MMP26: variants seen among roughly 807,000 people sequenced by gnomAD.
The protein encoded by MMP26 is matrix metallopeptidase 26, also known as matrix metalloproteinase-26.
MMP26 carries 33 observed loss-of-function variants against 31.0 expected under a neutral mutation model. That is an observed-to-expected ratio of 1.06 (90% CI 0.81 to 1.42). MMP26 has a LOEUF of 1.42. Ranked by LOEUF, MMP26 falls within the 40% of genes most tolerant of loss-of-function variation. The probability of loss-of-function intolerance (pLI) is 0.00; values close to 1 mark genes in which losing one functional copy is unlikely to be tolerated. For synonymous variants in MMP26, 122 were observed against 114.9 expected (o/e 1.06, Z -0.40); for missense variants, 347 against 316.1 (o/e 1.10, Z -0.74).
intron 1 of MMP26, chr11:4,723,967 T>A: frequency 2.6e-6 from 2 of 757,640 alleles, no homozygotes; most frequent in African/African-American, 1.7e-5. Flanking sequence ...CAGGTTCTGG[T>A]TGACTGTGTC....
intron 2 of MMP26, among the ~76,000 whole-genome samples, chr11:4,865,143 A>G (rs768007593): frequency 6.6e-6 from 1 of 152,076 alleles, no homozygotes; most frequent in South Asian, 2.1e-4. Flanking sequence ...CATTTTGACT[A>G]TTCTCATTTT....
chr11:4,915,509 A>C, intron 2 of MMP26: 1 of 1,614,140 alleles, frequency 6.2e-7, no homozygotes, highest in South Asian at 1.1e-5. Flanking sequence ...TTTAATGATA[A>C]AAAGAATTGT....
At chr11:4,791,794 T>C (rs1023136400) in intron 2 of MMP26, among the ~76,000 whole-genome samples, 1 of 152,082 alleles carries the variant, frequency 6.6e-6, no homozygotes, top group Admixed American at 6.6e-5. Context: ...GTGTCCAGTG[T>C]TGGGTTCCAG....
chr11:4,734,517 C>A (rs1848211705), intron 1 of MMP26, among the ~76,000 whole-genome samples: 1 of 152,072 alleles, frequency 6.6e-6, no homozygotes, highest in Non-Finnish European at 1.5e-5. Flanking sequence ...AAGGCATTTA[C>A]AGCTGTACAT....
chr11:4,929,518 T>G (rs1236224444), intron 2 of MMP26, among the ~76,000 whole-genome samples: 1 of 152,206 alleles, frequency 6.6e-6, no homozygotes, highest in Admixed American at 6.6e-5. Context: ...AAAGTGCTTA[T>G]GCACAGCTGC....
chr11:4,947,413 C>T lies in MMP26; in HGVS notation c.-144-40655C>T, dbSNP rs143983150. The T allele has an allele frequency of 3.7e-3, 807 of 220,186 alleles. 160 individuals carry two copies. Among genetic ancestry groups the T allele is most frequent in the Middle Eastern group, 0.012 (9 of 758 alleles). The allele number at this position is 220,186 out of a possible 1,614,324, so 13.6% of individuals were successfully genotyped here. A position where few individuals can be genotyped will look rare whatever the true frequency, so the allele number is the denominator to read the frequency against. ...TTTTTTCCTGTAAAATATTAGTAAA[C>T]GCTGGTCAATTAACTGGAATCTTCT... On this transcript the variant is annotated intron_variant, in intron 2 of 7. Transcript: ENST00000380390.
intron 2 of MMP26, among the ~76,000 whole-genome samples, chr11:4,924,528 T>C (rs1436035470): frequency 6.6e-6 from 1 of 152,140 alleles, no homozygotes; most frequent in African/African-American, 2.4e-5. Context: ...AAGGAGACTT[T>C]TGATGGATGA....
intron 1 of MMP26, among the ~76,000 whole-genome samples, chr11:4,730,053 A>G (rs977432811): frequency 1.3e-5 from 2 of 151,848 alleles, no homozygotes; most frequent in Non-Finnish European, 2.9e-5. Context: ...AGCCCGCTAA[A>G]CTAATACACA....
At chr11:4,849,931 A>G (rs1849950854) in intron 2 of MMP26, among the ~76,000 whole-genome samples, 1 of 152,166 alleles carries the variant, frequency 6.6e-6, no homozygotes, top group Non-Finnish European at 1.5e-5. Context: ...GTGAAATGAT[A>G]AAGTCAGGGT....
At chr11:4,891,763 G>A (rs1850626498) in intron 2 of MMP26, among the ~76,000 whole-genome samples, 1 of 152,118 alleles carries the variant, frequency 6.6e-6, no homozygotes, top group Admixed American at 6.5e-5. Context: ...AGAGATTCTT[G>A]GATTTTCTCT....
chr11:4,877,883 A>G (rs1196649942), intron 2 of MMP26: 4 of 152,300 alleles, frequency 2.6e-5, no homozygotes, highest in Non-Finnish European at 5.9e-5. Context: ...AAATTTTCAA[A>G]CATTTATGTA....
chr11:4,967,520 G>A (rs780326545), intron 2 of MMP26, among the ~76,000 whole-genome samples: 1 of 152,094 alleles, frequency 6.6e-6, no homozygotes, highest in Non-Finnish European at 1.5e-5. Flanking sequence ...TCTTCTTGAG[G>A]TCCCCAAGAT....
chr11:4,946,483 G>A (rs1846307624), intron 2 of MMP26: 1 of 1,610,586 alleles, frequency 6.2e-7, no homozygotes, highest in Non-Finnish European at 8.5e-7. Flanking sequence ...CCATAAGGCA[G>A]AGTGCTCCAA....
intron 1 of MMP26, among the ~76,000 whole-genome samples, chr11:4,748,760 C>A (rs75632537): frequency 0.065 from 9,922 of 151,640 alleles, 398 homozygotes; most frequent in Non-Finnish European, 0.096. Context: ...GTGAAAAAAA[C>A]CCTCAAGAAA....
intron 1 of MMP26, among the ~76,000 whole-genome samples, chr11:4,742,522 G>A (rs1278546375): frequency 6.6e-6 from 1 of 152,062 alleles, no homozygotes; most frequent in East Asian, 1.9e-4. Context: ...ATTATTTCTG[G>A]GTATGTCTGG....
At chr11:4,943,621 C>T in intron 2 of MMP26, 2 of 373,708 alleles carry the variant, frequency 5.4e-6, no homozygotes, top group Admixed American at 3.3e-5. Context: ...ACCCACACCC[C>T]CAGGTTGCAA....
In MMP26 at chr11:4,774,762, T is replaced by G. The variant is rs189970195; in HGVS notation, c.-145+7421T>G. The stretch of plus-strand genomic sequence containing the variant: ...CTTCTAGGGTTTTTATAGTTTTGGG[T>G]TTTACATTTAAGTCTTTAATCCATC... On this transcript the variant is annotated intron_variant, in intron 2 of 7. Coordinates refer to ENST00000380390, the MANE Select transcript of MMP26 (RefSeq NM_021801.5). Among the ~76,000 whole-genome samples the G allele has an allele frequency of 1.3e-3, 203 of 152,328 alleles. 2 individuals are homozygous for G. The highest frequency in any genetic ancestry group is 4.6e-3 in the African/African-American group (191 of 41,576).
intron 2 of MMP26, among the ~76,000 whole-genome samples, chr11:4,975,599 A>G (rs1846726275): frequency 6.6e-6 from 1 of 152,074 alleles, no homozygotes; most frequent in Non-Finnish European, 1.5e-5. Flanking sequence ...TGTTAAGGTA[A>G]GTGAATCGTT....
chr11:4,929,468 A>G (rs977258635), intron 2 of MMP26, among the ~76,000 whole-genome samples: 8 of 146,686 alleles, frequency 5.5e-5, no homozygotes, highest in African/African-American at 2.1e-4. Flanking sequence ...ATTAGCATCA[A>G]TGTCAAAAGT....
Sources: allele counts gnomAD v4.1 joint callset (sites outside exome capture counted in the v4.1 genomes callset), GRCh38; gene constraint gnomAD v4.1.1; transcripts MANE v1.5; gene names NCBI Gene and HGNC (gene_info 2026-07-23, HGNC 2026-07-21).